The following GABRR2 variants were observed in gnomAD, a reference collection of about 807,000 sequenced individuals.
The protein encoded by GABRR2 is gamma-aminobutyric acid type A receptor subunit rho2, also known as gamma-aminobutyric acid receptor subunit rho-2.
Under a neutral mutation model 47.0 loss-of-function variants are expected in GABRR2, and 36 were observed. The observed-to-expected ratio is 0.77, with a 90% confidence interval of 0.59 to 1.01. The LOEUF is 1.01. Ranked by LOEUF, GABRR2 falls within the 50% of genes least tolerant of loss-of-function variation. The probability of loss-of-function intolerance (pLI) is 0.00; values close to 1 mark genes in which losing one functional copy is unlikely to be tolerated. For missense variants in GABRR2, 587 were observed against 594.6 expected, an observed-to-expected ratio of 0.99 and a Z score of 0.13; for synonymous variants, 204 against 227.5, an observed-to-expected ratio of 0.90 and a Z score of 0.93.
intron 2 of GABRR2, among the ~76,000 whole-genome samples, chr6:89,294,479 A>C (rs1025168963): frequency 1.3e-5 from 2 of 152,172 alleles, no homozygotes; most frequent in African/African-American, 4.8e-5. Context: ...ATTCCACAGG[A>C]AGTCCCTCTT....
chr6:89,277,329 T>G (rs1774179207), intron 2 of GABRR2, among the ~76,000 whole-genome samples: 1 of 152,242 alleles, frequency 6.6e-6, no homozygotes, highest in African/African-American at 2.4e-5. Flanking sequence ...CAAGCCGTGC[T>G]GAACTGTGAG....
chr6:89,269,109 G>A lies in GABRR2; in HGVS notation c.414C>T (p.Val138=), dbSNP rs369231038. ...RLVKKIWVPD[V]FFVHSKRSFT... ...ACGATCTTTTGGAGTGAACAAAGAA[G>A]ACATCAGGGACCCAGATCTTCTTCA... Residue 138 remains valine, a synonymous_variant, in exon 4 of 9, where the codon GTC becomes GTT. Transcript: ENST00000402938. 1 of 1,614,056 alleles carries A rather than the reference G, an allele frequency of 6.2e-7. No individual in the cohort carries two copies. Among genetic ancestry groups the A allele is most frequent in the South Asian group, 1.1e-5 (1 of 91,088 alleles).
At chr6:89,297,313 G>A (rs139795451) in intron 2 of GABRR2, among the ~76,000 whole-genome samples, 153 of 152,226 alleles carry the variant, frequency 1.0e-3, no homozygotes, top group African/African-American at 3.3e-3. Context: ...TGCCTATGCC[G>A]CCTAATGAAT....
intron 2 of GABRR2, among the ~76,000 whole-genome samples, chr6:89,291,082 T>C (rs982911088): frequency 2.6e-5 from 4 of 152,158 alleles, no homozygotes; most frequent in Admixed American, 2.6e-4. Flanking sequence ...TTTTTCTCAG[T>C]GCTCTATCTC....
chr6:89,308,828 G>C (rs1767620619), intron 1 of GABRR2, among the ~76,000 whole-genome samples: 1 of 152,198 alleles, frequency 6.6e-6, no homozygotes, highest in Admixed American at 6.5e-5. Context: ...TATTTTTATA[G>C]AGCATCTACG....
rs74583831 is a variant in GABRR2 at position 89,286,282 on chromosome 6, C to T, written c.220+13477G>A. On this transcript the variant is annotated intron_variant, in intron 2 of 8. Coordinates refer to ENST00000402938, the MANE Select transcript of GABRR2 (RefSeq NM_002043.5). ...GGAGGATGAAGAAAATGAGGAAATA[C>T]TGATTAAAGTGTACAAGTTTCAGTT... 7.4e-3 allele frequency among the ~76,000 whole-genome samples: 1,120 copies of T among 152,202 alleles called. 16 individuals are homozygous for T. The highest frequency in any genetic ancestry group is 0.023 in the African/African-American group (972 of 41,514).
chr6:89,278,490 T>C (rs983558622), intron 2 of GABRR2, among the ~76,000 whole-genome samples: 3 of 152,236 alleles, frequency 2.0e-5, no homozygotes, highest in Admixed American at 6.5e-5. Context: ...AACCAGTATT[T>C]GGAAACAGTG....
At chr6:89,289,126 G>A (rs1297646522) in intron 2 of GABRR2, among the ~76,000 whole-genome samples, 1 of 152,232 alleles carries the variant, frequency 6.6e-6, no homozygotes, top group Non-Finnish European at 1.5e-5. Flanking sequence ...GAAGGAGCAA[G>A]ACCATGCAGA....
intron 1 of GABRR2, among the ~76,000 whole-genome samples, chr6:89,303,429 A>G (rs1261830223): frequency 6.6e-6 from 1 of 152,004 alleles, no homozygotes; most frequent in South Asian, 2.1e-4. Flanking sequence ...AAAAAAAAAG[A>G]AATCAGAGAT....
rs1432502007 is a variant in GABRR2 at position 89,271,762 on chromosome 6, C to A, written c.221-40G>T. On this transcript the variant is annotated intron_variant, in intron 2 of 8. Transcript: ENST00000402938. Reference sequence around the variant, plus strand: ...AGACAGCTGGTTAAGGCACCTTCCTCTCTACCTTTGGGCTGGGAACAGCCC... The same window carrying A: ...AGACAGCTGGTTAAGGCACCTTCCTATCTACCTTTGGGCTGGGAACAGCCC... 3 of 1,578,546 alleles carry A rather than the reference C, an allele frequency of 1.9e-6. No homozygotes were observed. In the Admixed American group the frequency reaches 5.2e-5, roughly 27 times the overall value.
chr6:89,302,468 C>T (rs1767472530), intron 1 of GABRR2: 1 of 625,380 alleles, frequency 1.6e-6, no homozygotes, highest in Non-Finnish European at 2.9e-6. Context: ...ACATTGGCCA[C>T]CATGAGCAGG....
intron 1 of GABRR2, among the ~76,000 whole-genome samples, chr6:89,314,579 T>C (rs1417798162): frequency 6.6e-6 from 1 of 152,222 alleles, no homozygotes; most frequent in African/African-American, 2.4e-5. Context: ...CCCAATATCA[T>C]TATAAAGTTA....
chr6:89,296,648 C>T lies in GABRR2; in HGVS notation c.220+3111G>A, dbSNP rs76034314. Among the ~76,000 whole-genome samples the T allele has an allele frequency of 4.5e-3, 680 of 152,352 alleles. 7 individuals carry two copies. The highest frequency in any genetic ancestry group is 0.016 in the African/African-American group (648 of 41,584). On this transcript the variant is annotated intron_variant, in intron 2 of 8. Transcript: ENST00000402938. ...GGCAGGGAGCAGTCCTGACCCTCTA[C>T]GCTCTGGAGGGCCCCACAGAAGGGC...
At chr6:89,270,520 T>G (rs1192515750) in intron 3 of GABRR2, 1 of 152,278 alleles carries the variant, frequency 6.6e-6, no homozygotes, top group Non-Finnish European at 1.5e-5. Flanking sequence ...CTGTTGGATA[T>G]CCAAAGGGGC....
chr6:89,273,406 G>T (rs534054908), intron 2 of GABRR2, among the ~76,000 whole-genome samples: 1 of 152,244 alleles, frequency 6.6e-6, no homozygotes, highest in East Asian at 1.9e-4. Context: ...CTAATTTTTT[G>T]TATTTTTAGT....
At position 89,264,488 on chromosome 6, in the gene GABRR2, A is replaced by G. The variant is rs541238624; in HGVS notation, c.1010T>C (p.Leu337Pro). The G allele has an allele frequency of 6.2e-7, 1 of 1,613,922 alleles. No homozygotes were observed. Among genetic ancestry groups the G allele is most frequent in the African/African-American group, 1.3e-5 (1 of 74,958 alleles). ...YLWVSFVFVF[L>P]SVLEYAAVNY... ...GACAGCCGCATACTCCAGCACCGAGAGGAACACGAACACAAAGCTGACCCA... is the reference window on the plus strand; with the variant it reads ...GACAGCCGCATACTCCAGCACCGAGGGGAACACGAACACAAAGCTGACCCA... Residue 337 changes from leucine (L) to proline (P), a missense_variant, in exon 8 of 9, where the codon CTC becomes CCC. Coordinates refer to ENST00000402938, the MANE Select transcript of GABRR2 (RefSeq NM_002043.5).
At chr6:89,285,115 C>T (rs553325834) in intron 2 of GABRR2, among the ~76,000 whole-genome samples, 54 of 152,262 alleles carry the variant, frequency 3.5e-4, no homozygotes, top group African/African-American at 1.3e-3. Flanking sequence ...TTCTTCATCC[C>T]TGAGGAAGGA....
chr6:89,257,728 A>G lies in GABRR2; in HGVS notation c.1340T>C (p.Leu447Ser). Residue 447 changes from leucine to serine, a missense_variant, in exon 9 of 9, where the codon TTG becomes TCG. Coordinates refer to ENST00000402938, the MANE Select transcript of GABRR2 (RefSeq NM_002043.5). Reference sequence around the variant, plus strand: ...AAATATGTAGGAGGCAGGGAATATCAACCTAGAGTATTTGTCAATGGCATG... The same window carrying G: ...AAATATGTAGGAGGCAGGGAATATCGACCTAGAGTATTTGTCAATGGCATG... Reference protein sequence around the residue: ...NTHAIDKYSRLIFPASYIFFN... With the variant: ...NTHAIDKYSRSIFPASYIFFN... The G allele has an allele frequency of 6.2e-7, 1 of 1,613,992 alleles. No homozygotes were observed. Among genetic ancestry groups the G allele is most frequent in the South Asian group, 1.1e-5 (1 of 91,072 alleles).
At chr6:89,278,514 T>C (rs1774204867) in intron 2 of GABRR2, among the ~76,000 whole-genome samples, 1 of 152,242 alleles carries the variant, frequency 6.6e-6, no homozygotes, top group Non-Finnish European at 1.5e-5. Flanking sequence ...TAAAAGCTTG[T>C]CTGAGAAGGT....
Sources: allele counts gnomAD v4.1 joint callset (sites outside exome capture counted in the v4.1 genomes callset), GRCh38; gene constraint gnomAD v4.1.1; transcripts MANE v1.5; gene names NCBI Gene and HGNC (gene_info 2026-07-23, HGNC 2026-07-21).